TTC39C: variants seen among roughly 807,000 people sequenced by gnomAD.
TTC39C encodes tetratricopeptide repeat protein 39C.
Under a neutral mutation model 76.3 loss-of-function variants are expected in TTC39C, and 33 were observed. That is an observed-to-expected ratio of 0.43 (90% CI 0.33 to 0.58). The LOEUF (loss-of-function observed/expected upper bound fraction) is 0.58, where lower values mean the gene tolerates loss of function less well. TTC39C is among the 20% of genes least tolerant of loss of function. The pLI, the probability that TTC39C is intolerant of heterozygous loss-of-function variation, is 0.04. For synonymous variants in TTC39C, 254 were observed against 260.6 expected, an observed-to-expected ratio of 0.97 and a Z score of 0.24; for missense variants, 595 against 701.4, an observed-to-expected ratio of 0.85 and a Z score of 1.71.
At chr18:24,005,352 T>C (rs1273527921) in intron 1 of TTC39C, among the ~76,000 whole-genome samples, 1 of 152,164 alleles carries the variant, frequency 6.6e-6, no homozygotes, top group African/African-American at 2.4e-5. Context: ...TCATTCTAGA[T>C]TTTTGGACAC....
rs184070567 is a variant in TTC39C at position 24,007,098 on chromosome 18, G to A, written c.-17+14060G>A. ...CCTTAAGTTACTTTAGGGGAATTCC[G>A]TGGCACAGAGTTCTGGGTTGAGACA... On this transcript the variant is annotated intron_variant, in intron 1 of 13. Transcript: ENST00000304621. 2.8e-3 allele frequency among the ~76,000 whole-genome samples: 429 copies of A among 152,264 alleles called. 2 individuals are homozygous for A. The highest frequency in any genetic ancestry group is 9.9e-3 in the African/African-American group (410 of 41,544).
chr18:24,109,792 G>A (rs2084789092), intron 6 of TTC39C, among the ~76,000 whole-genome samples: 1 of 152,028 alleles, frequency 6.6e-6, no homozygotes, highest in Non-Finnish European at 1.5e-5. Context: ...ATCACTTGAG[G>A]TCGGGAGCTC....
chr18:24,091,580 A>G (rs1291565623), intron 6 of TTC39C, among the ~76,000 whole-genome samples: 1 of 152,252 alleles, frequency 6.6e-6, no homozygotes, highest in Non-Finnish European at 1.5e-5. Context: ...TTGGTTTCCT[A>G]GACATGACAC....
chr18:24,132,016 C>A, intron 13 of TTC39C, 96 bp downstream of exon 13: 1 of 1,210,368 alleles, frequency 8.3e-7, no homozygotes. Context: ...CAATGATGTT[C>A]TGGTTGGTAA....
chr18:24,099,264 TC>T (rs1375268521), intron 6 of TTC39C: 9 of 151,706 alleles, frequency 5.9e-5, no homozygotes, highest in Non-Finnish European at 1.3e-4. Flanking sequence ...AGATTGGGTG[TC>T]TAGTGAGGAC....
intron 1 of TTC39C, among the ~76,000 whole-genome samples, chr18:24,036,879 C>T (rs768054446): frequency 1.5e-4 from 23 of 152,182 alleles, no homozygotes; most frequent in Non-Finnish European, 2.8e-4. Flanking sequence ...GCCATCTGTC[C>T]GCCTTGGCCT....
intron 8 of TTC39C, among the ~76,000 whole-genome samples, chr18:24,123,395 TTG>T (rs1252951320): frequency 1.7e-5 from 2 of 116,160 alleles, no homozygotes; most frequent in Non-Finnish European, 4.2e-5. Context: ...TTTTGTTTGT[TTG>T]TTTGTTTGTT....
At chr18:24,125,231 A>G (rs1018080971) in intron 9 of TTC39C, among the ~76,000 whole-genome samples, 196 bp from the exon 10 acceptor site, 1 of 152,220 alleles carries the variant, frequency 6.6e-6, no homozygotes, top group Non-Finnish European at 1.5e-5. Flanking sequence ...TGAATAATGA[A>G]TGAAAGGCAT....
chr18:24,131,734 A>C, intron 12 of TTC39C, 148 bp from the exon 13 acceptor site: 2 of 612,626 alleles, frequency 3.3e-6, no homozygotes, highest in Non-Finnish European at 5.5e-6. Flanking sequence ...AAAAAGAAGA[A>C]TATTGGAGTC....
At chr18:24,103,244 G>A (rs530772590) in intron 6 of TTC39C, among the ~76,000 whole-genome samples, 2 of 152,308 alleles carry the variant, frequency 1.3e-5, no homozygotes, top group East Asian at 1.9e-4. Flanking sequence ...ACAGATAAAC[G>A]TCTTGCATTC....
At chr18:24,073,775 C>T (rs1024777960) in intron 4 of TTC39C, among the ~76,000 whole-genome samples, 11 of 152,222 alleles carry the variant, frequency 7.2e-5, no homozygotes, top group African/African-American at 2.4e-4. Context: ...CCGCCTTGTC[C>T]TCCCAAAGTG....
upstream of TTC39C, among the ~76,000 whole-genome samples, chr18:24,010,741 G>A (rs1330392037): frequency 1.3e-5 from 2 of 152,064 alleles, no homozygotes; most frequent in East Asian, 1.9e-4. Flanking sequence ...TTTATTCTTC[G>A]AATGCATTTA....
At chr18:24,107,892 G>C (rs1390537216) in intron 6 of TTC39C, among the ~76,000 whole-genome samples, 2 of 145,284 alleles carry the variant, frequency 1.4e-5, no homozygotes, top group Admixed American at 6.7e-5. Flanking sequence ...CCAAGTAGGG[G>C]GGGGGGTACA....
intron 1 of TTC39C, among the ~76,000 whole-genome samples, chr18:24,058,749 A>C (rs1372408071): frequency 6.6e-6 from 1 of 152,232 alleles, no homozygotes; most frequent in Non-Finnish European, 1.5e-5. Context: ...CTGATAAACG[A>C]AGTAGGAGAA....
chr18:24,014,110 C>T (rs2083415129), upstream of TTC39C, among the ~76,000 whole-genome samples: 1 of 152,236 alleles, frequency 6.6e-6, no homozygotes, highest in Non-Finnish European at 1.5e-5. Context: ...AGCTGCGGGG[C>T]AGGTGCCAGA....
intron 1 of TTC39C, among the ~76,000 whole-genome samples, chr18:24,054,504 C>A (rs946534921): frequency 6.6e-6 from 1 of 152,194 alleles, no homozygotes; most frequent in Non-Finnish European, 1.5e-5. Context: ...GACTGTTCAA[C>A]TCCCCCCTGT....
intron 1 of TTC39C, among the ~76,000 whole-genome samples, chr18:24,052,404 G>C (rs1030160015): frequency 1.3e-5 from 2 of 152,094 alleles, no homozygotes; most frequent in Non-Finnish European, 2.9e-5. Flanking sequence ...GAATGAGTGA[G>C]TGGAACAAAA....
At chr18:24,020,378 T>C in intron 1 of TTC39C, 1 of 878,042 alleles carries the variant, frequency 1.1e-6, no homozygotes, top group Non-Finnish European at 1.4e-6. Flanking sequence ...ACCTGTGCTA[T>C]AGTGTAAGTC....
At chr18:24,004,214 G>A (rs562876123) in intron 1 of TTC39C, among the ~76,000 whole-genome samples, 9 of 152,332 alleles carry the variant, frequency 5.9e-5, no homozygotes, top group Non-Finnish European at 1.2e-4. Context: ...GCCAGCTGTT[G>A]TTCTTTGGCC....
Sources: gnomAD v4.1 joint callset for allele counts (sites outside exome capture counted in the v4.1 genomes callset) on GRCh38, gnomAD v4.1.1 for gene constraint, MANE v1.5 for transcripts, NCBI Gene and HGNC (gene_info 2026-07-23, HGNC 2026-07-21) for gene names.